MECOM: variants seen among roughly 807,000 people sequenced by gnomAD.
MECOM encodes the protein histone-lysine N-methyltransferase MECOM.
In MECOM, 13 loss-of-function variants were observed where a neutral mutation model predicts 116.3. That is an observed-to-expected ratio of 0.11 (90% CI 0.07 to 0.18). The LOEUF is 0.18. Among genes scored for constraint, MECOM ranks in the 10% least tolerant of loss-of-function variants. MECOM has a pLI of 1.00. For missense variants in MECOM, 1,299 were observed against 1,509.0 expected (o/e 0.86, Z 2.31); for synonymous variants, 528 against 535.2 (o/e 0.99, Z 0.19).
intron 2 of MECOM, among the ~76,000 whole-genome samples, chr3:169,215,368 T>A (rs1044747123): frequency 1.3e-5 from 2 of 151,916 alleles, no homozygotes; most frequent in African/African-American, 4.8e-5. Context: ...TAAACATGAA[T>A]CCGTGGAGCT....
At chr3:169,644,302 G>T (rs1773877055) in intron 1 of MECOM, among the ~76,000 whole-genome samples, 1 of 151,714 alleles carries the variant, frequency 6.6e-6, no homozygotes, top group African/African-American at 2.4e-5. Flanking sequence ...TGTCGCCCAG[G>T]CTGGAGGGCA....
At chr3:169,210,839 T>G (rs1184641962) in intron 2 of MECOM, among the ~76,000 whole-genome samples, 1 of 152,152 alleles carries the variant, frequency 6.6e-6, no homozygotes, top group Non-Finnish European at 1.5e-5. Context: ...TCAGTATAGA[T>G]TAGTTTCCCT....
chr3:169,368,830 A>T (rs1182767399), intron 2 of MECOM, among the ~76,000 whole-genome samples: 1 of 152,054 alleles, frequency 6.6e-6, no homozygotes. Context: ...CTATTGACTT[A>T]GTGGCCAAAG....
At chr3:169,501,022 A>T (rs1014022045) in intron 1 of MECOM, among the ~76,000 whole-genome samples, 1 of 152,032 alleles carries the variant, frequency 6.6e-6, no homozygotes, top group African/African-American at 2.4e-5. Context: ...TTATAAACTC[A>T]ATGCATTTGT....
At chr3:169,636,767 T>C (rs138001132) in intron 1 of MECOM, among the ~76,000 whole-genome samples, 2 of 152,312 alleles carry the variant, frequency 1.3e-5, no homozygotes, top group Non-Finnish European at 2.9e-5. Context: ...CATTCCCGAA[T>C]TGGGACATCC....
At chr3:169,571,004 G>A (rs974633668) in intron 1 of MECOM, among the ~76,000 whole-genome samples, 1 of 152,134 alleles carries the variant, frequency 6.6e-6, no homozygotes, top group African/African-American at 2.4e-5. Flanking sequence ...TCAGGCAAGA[G>A]AAAGAAATCA....
intron 1 of MECOM, chr3:169,448,055 G>C (rs1388818818): frequency 6.6e-6 from 1 of 152,218 alleles, no homozygotes. Context: ...CTATGGATGA[G>C]AGCTAGGAGA....
At chr3:169,588,882 C>T (rs1266902935) in intron 1 of MECOM, among the ~76,000 whole-genome samples, 15 of 151,910 alleles carry the variant, frequency 9.9e-5, no homozygotes. Flanking sequence ...AAGCACTGGA[C>T]TCTCAGAATA....
At chr3:169,563,653 C>T (rs1055780809) in intron 1 of MECOM, among the ~76,000 whole-genome samples, 13 of 152,210 alleles carry the variant, frequency 8.5e-5, no homozygotes, top group African/African-American at 2.4e-4. Context: ...ATGCTTCATT[C>T]GAGGAACTTG....
At chr3:169,273,469 G>C (rs1759193563) in intron 2 of MECOM, among the ~76,000 whole-genome samples, 1 of 152,150 alleles carries the variant, frequency 6.6e-6, no homozygotes, top group African/African-American at 2.4e-5. Flanking sequence ...ACCAGGAAGA[G>C]AAAAGGAATT....
chr3:169,193,435 A>G (rs1747982493), intron 2 of MECOM, among the ~76,000 whole-genome samples: 1 of 152,016 alleles, frequency 6.6e-6, no homozygotes, highest in African/African-American at 2.4e-5. Context: ...GCTGTCTTTC[A>G]GTCATTCCTT....
rs190847588 is a variant in MECOM, at chr3:169,254,694, C to A, written c.376-110862G>T. Among the ~76,000 whole-genome samples the A allele has an allele frequency of 6.2e-3, 949 of 151,916 alleles. 28 individuals carry two copies. The highest frequency in any genetic ancestry group is 3.3e-3 in the Non-Finnish European group (221 of 67,978). On this transcript the variant is annotated intron_variant, in intron 2 of 16. Coordinates refer to ENST00000651503, the MANE Select transcript of MECOM (RefSeq NM_004991.4). ...ATGAGATAATATTACTCTCAGATAA[C>A]CCCTAAAATAAGGTATAAAAAGGAA...
chr3:169,281,314 G>A (rs1206643994), intron 2 of MECOM, among the ~76,000 whole-genome samples: 1 of 152,142 alleles, frequency 6.6e-6, no homozygotes, highest in Non-Finnish European at 1.5e-5. Context: ...CCCTGGTTAA[G>A]TCACTTACTT....
At chr3:169,339,678 A>G (rs893824885) in intron 2 of MECOM, among the ~76,000 whole-genome samples, 3 of 152,166 alleles carry the variant, frequency 2.0e-5, no homozygotes, top group Non-Finnish European at 4.4e-5. Flanking sequence ...TATGAGAAGC[A>G]CTGGTCTAGT....
intron 2 of MECOM, among the ~76,000 whole-genome samples, chr3:169,225,964 G>C (rs1019300920): frequency 1.3e-5 from 2 of 152,176 alleles, no homozygotes; most frequent in Non-Finnish European, 2.9e-5. Context: ...CCCACAAAGA[G>C]AATGGCCCAA....
At chr3:169,114,745 C>A (rs553561394) in intron 8 of MECOM, among the ~76,000 whole-genome samples, 73 of 152,166 alleles carry the variant, frequency 4.8e-4, no homozygotes, top group African/African-American at 1.7e-3. Flanking sequence ...CCAAAAAGGC[C>A]TTTTATTAAA....
chr3:169,198,785 G>A (rs569737910), intron 2 of MECOM, among the ~76,000 whole-genome samples: 1 of 152,104 alleles, frequency 6.6e-6, no homozygotes, highest in East Asian at 1.9e-4. Flanking sequence ...GGAGGAGGTA[G>A]ACATTAAACA....
intron 2 of MECOM, among the ~76,000 whole-genome samples, chr3:169,322,923 G>T (rs199754526): frequency 3.1e-5 from 1 of 32,232 alleles, no homozygotes; most frequent in Non-Finnish European, 5.0e-5. Flanking sequence ...ACTTGAACCC[G>T]GGGGGGGCAG....
At chr3:169,327,650 A>G (rs1269046174) in intron 2 of MECOM, among the ~76,000 whole-genome samples, 4 of 151,816 alleles carry the variant, frequency 2.6e-5, no homozygotes, top group African/African-American at 7.3e-5. Flanking sequence ...AAAAAAAAAA[A>G]AAAAAAAGAA....
Sources: gnomAD v4.1 joint callset for allele counts (sites outside exome capture counted in the v4.1 genomes callset) on GRCh38, gnomAD v4.1.1 for gene constraint, MANE v1.5 for transcripts, NCBI Gene and HGNC (gene_info 2026-07-23, HGNC 2026-07-21) for gene names.